The following SMYD3 variants were observed in gnomAD, a reference collection of about 807,000 sequenced individuals.
The protein encoded by SMYD3 is SET and MYND domain containing 3.
Under a neutral mutation model 57.7 loss-of-function variants are expected in SMYD3, and 36 were observed. That is an observed-to-expected ratio of 0.62 (90% confidence interval 0.48 to 0.82). The LOEUF is 0.82. Among genes scored for constraint, SMYD3 ranks in the 40% least tolerant of loss-of-function variants. The pLI, the probability that SMYD3 is intolerant of heterozygous loss-of-function variation, is 0.00. For missense variants in SMYD3, 515 were observed against 538.8 expected (o/e 0.96, Z 0.44); for synonymous variants, 211 against 195.0 (o/e 1.08, Z -0.68).
intron 10 of SMYD3, among the ~76,000 whole-genome samples, chr1:245,845,855 C>T (rs2050637397): frequency 6.6e-6 from 1 of 152,172 alleles, no homozygotes; most frequent in South Asian, 2.1e-4. Context: ...CAGTGGACAT[C>T]TATTCTTCTG....
intron 5 of SMYD3, among the ~76,000 whole-genome samples, chr1:245,971,386 T>C (rs1420943217): frequency 1.3e-5 from 2 of 152,094 alleles, no homozygotes; most frequent in South Asian, 2.1e-4. Flanking sequence ...ATGGCACGTG[T>C]ATACCTATGT....
Position 246,088,777 on chromosome 1 carries a change from C to T in SMYD3, c.532-158840G>A, listed in dbSNP as rs555863749. Among the ~76,000 whole-genome samples, 7 of 152,178 alleles carry T rather than the reference C, an allele frequency of 4.6e-5. No individual in the cohort carries two copies. In the East Asian group the frequency reaches 1.4e-3, roughly 29 times the overall value. ...AATTAGCTTTGTCACAATACACTTC[C>T]TATATTACATCCCCTTCTAATAATT... is the stretch of plus-strand genomic sequence containing the variant. On this transcript the variant is annotated intron_variant, in intron 5 of 11. Coordinates refer to ENST00000490107, the MANE Select transcript of SMYD3 (RefSeq NM_001167740.2).
At chr1:246,187,369 G>A (rs1383195729) in intron 5 of SMYD3, among the ~76,000 whole-genome samples, 1 of 151,760 alleles carries the variant, frequency 6.6e-6, no homozygotes, top group Non-Finnish European at 1.5e-5. Flanking sequence ...GGACCCAAAA[G>A]CACTCTGAGA....
chr1:246,380,597 G>A (rs1246653326), intron 1 of SMYD3, among the ~76,000 whole-genome samples: 3 of 152,146 alleles, frequency 2.0e-5, no homozygotes, highest in African/African-American at 7.2e-5. Flanking sequence ...TACACTAAGA[G>A]TCTTTTTGTA....
chr1:246,096,948 G>C (rs1293000614), intron 5 of SMYD3, among the ~76,000 whole-genome samples: 1 of 152,138 alleles, frequency 6.6e-6, no homozygotes, highest in East Asian at 1.9e-4. Flanking sequence ...TGATTTGTAG[G>C]TGCTCATTCC....
At chr1:246,003,939 C>G (rs921294867) in intron 5 of SMYD3, among the ~76,000 whole-genome samples, 2 of 152,126 alleles carry the variant, frequency 1.3e-5, no homozygotes, top group African/African-American at 4.8e-5. Context: ...CACCAATGTT[C>G]CTCTGTTATA....
At chr1:246,407,761 G>A (rs1355736771) in intron 1 of SMYD3, among the ~76,000 whole-genome samples, 1 of 151,910 alleles carries the variant, frequency 6.6e-6, no homozygotes, top group African/African-American at 2.4e-5. Context: ...AAAATCACTT[G>A]AACCTGGGAG....
At chr1:245,772,068 T>G (rs1410032608) in intron 10 of SMYD3, among the ~76,000 whole-genome samples, 2 of 152,192 alleles carry the variant, frequency 1.3e-5, no homozygotes, top group African/African-American at 4.8e-5. Flanking sequence ...CCGTGAATTC[T>G]TGTTTCCAAA....
intron 10 of SMYD3, among the ~76,000 whole-genome samples, chr1:245,779,184 AAAAG>A (rs1001951158): frequency 1.6e-4 from 25 of 151,980 alleles, no homozygotes; most frequent in Non-Finnish European, 3.2e-4. Flanking sequence ...AAAAAAAAGA[AAAAG>A]AAAAAGAAAA....
intron 5 of SMYD3, among the ~76,000 whole-genome samples, chr1:245,981,556 A>T (rs1028949092): frequency 1.3e-5 from 2 of 152,228 alleles, no homozygotes; most frequent in African/African-American, 2.4e-5. Flanking sequence ...ATACAACTGA[A>T]CCCAAAACAG....
At chr1:246,428,631 A>G (rs1218352636) in intron 1 of SMYD3, among the ~76,000 whole-genome samples, 2 of 152,244 alleles carry the variant, frequency 1.3e-5, no homozygotes, top group Non-Finnish European at 2.9e-5. Context: ...TGAGTAGCAG[A>G]GCTGGCATTC....
Position 246,103,230 on chromosome 1 carries a change from A to G in SMYD3, c.532-173293T>C, listed in dbSNP as rs563814199. On this transcript the variant is annotated intron_variant, in intron 5 of 11. Transcript: ENST00000490107. Reference sequence around the variant, plus strand: ...TAGCTGTTATAATACAGAAGGCCCCATCACATTCCCCAAGACAAATTTATA... The same window carrying G: ...TAGCTGTTATAATACAGAAGGCCCCGTCACATTCCCCAAGACAAATTTATA... 3.9e-5 allele frequency among the ~76,000 whole-genome samples: 6 copies of G among 152,320 alleles called. No individual in the cohort carries two copies. The East Asian group carries it at 7.7e-4, about 20-fold the overall frequency.
chr1:246,248,635 C>CTTTTTTTTTTTTTTTTTTT (rs1558348050), intron 5 of SMYD3, among the ~76,000 whole-genome samples: 1 of 68,336 alleles, frequency 1.5e-5, no homozygotes, highest in African/African-American at 6.5e-5. Context: ...CTCTGACTTT[C>CTTTTTTTTTTTTTTTTTTT]CTTTTTTTTT....
At chr1:246,091,170 C>T (rs138639848) in intron 5 of SMYD3, among the ~76,000 whole-genome samples, 98 of 152,272 alleles carry the variant, frequency 6.4e-4, no homozygotes, top group African/African-American at 2.3e-3. Context: ...CTCCCAGCAC[C>T]CATGGGTTGC....
At chr1:246,329,029 T>C (rs978285054) in intron 4 of SMYD3, among the ~76,000 whole-genome samples, 33 of 152,350 alleles carry the variant, frequency 2.2e-4, no homozygotes, top group African/African-American at 7.9e-4. Flanking sequence ...CTCATCATTT[T>C]TTATGGATGC....
chr1:246,502,146 TC>T (rs1476885481), intron 1 of SMYD3, among the ~76,000 whole-genome samples: 1 of 151,124 alleles, frequency 6.6e-6, no homozygotes, highest in Non-Finnish European at 1.5e-5. Context: ...TTTTTTTTTT[TC>T]TTTTTTTTTG....
In SMYD3 at chr1:246,362,087, G is replaced by A. The variant is rs149792669; in HGVS notation, c.165-6993C>T. ...AAAAATGTCCTTTTTAAAAACTTTG[G>A]TAGAATATACGTAACATAAAATTCA... On this transcript the variant is annotated intron_variant, in intron 1 of 11. Coordinates refer to ENST00000490107, the MANE Select transcript of SMYD3 (RefSeq NM_001167740.2). Among the ~76,000 whole-genome samples the A allele has an allele frequency of 2.2e-3, 340 of 152,170 alleles. 3 individuals carry two copies. The highest frequency in any genetic ancestry group is 7.0e-3 in the African/African-American group (292 of 41,500).
chr1:246,152,311 G>A (rs910892703), intron 5 of SMYD3, among the ~76,000 whole-genome samples: 6 of 152,196 alleles, frequency 3.9e-5, no homozygotes, highest in Non-Finnish European at 5.9e-5. Flanking sequence ...GGGGACAAGG[G>A]TGTAGTCCAC....
At chr1:246,307,754 A>G (rs1365321885) in intron 5 of SMYD3, among the ~76,000 whole-genome samples, 1 of 152,154 alleles carries the variant, frequency 6.6e-6, no homozygotes, top group Non-Finnish European at 1.5e-5. Flanking sequence ...AGAAAGCAGC[A>G]CGAGGAGGGC....
Sources: gnomAD v4.1 joint callset for allele counts (sites outside exome capture counted in the v4.1 genomes callset) on GRCh38, gnomAD v4.1.1 for gene constraint, MANE v1.5 for transcripts, NCBI Gene and HGNC (gene_info 2026-07-23, HGNC 2026-07-21) for gene names.